The following TSGA10 variants were observed in gnomAD, a reference collection of about 807,000 sequenced individuals.
TSGA10 encodes the protein testis-specific gene 10 protein.
A neutral mutation model predicts 96.6 loss-of-function variants in TSGA10; 43 were observed. The observed-to-expected ratio is 0.44, with a 90% CI of 0.35 to 0.57. The LOEUF is 0.57. Among genes scored for constraint, TSGA10 ranks in the 20% least tolerant of loss-of-function variants. The pLI, the probability that TSGA10 is intolerant of heterozygous loss-of-function variation, is 0.01. For synonymous variants in TSGA10, 229 were observed against 269.9 expected, an observed-to-expected ratio of 0.85 and a Z score of 1.48; for missense variants, 703 against 834.4, an observed-to-expected ratio of 0.84 and a Z score of 1.94.
At chr2:99,140,489 A>C (rs1373656855) in intron 1 of TSGA10, among the ~76,000 whole-genome samples, 3 of 151,964 alleles carry the variant, frequency 2.0e-5, no homozygotes, top group Non-Finnish European at 4.4e-5. Flanking sequence ...GCGAAAAAAA[A>C]AAAGTGAAAA....
chr2:99,002,424 C>A (rs982438849), intron 20 of TSGA10, among the ~76,000 whole-genome samples: 4 of 152,310 alleles, frequency 2.6e-5, no homozygotes, highest in Admixed American at 2.6e-4. Flanking sequence ...ACTTTACAGA[C>A]AAACAGATGC....
intron 1 of TSGA10, chr2:99,141,760 G>A (rs2093564564): frequency 6.5e-6 from 1 of 152,824 alleles, no homozygotes; most frequent in Non-Finnish European, 1.5e-5. Context: ...TCGCGGCGGT[G>A]GCTTTGTGCC....
intron 2 of TSGA10, among the ~76,000 whole-genome samples, chr2:99,120,581 CAATT>C (rs2092517188): frequency 6.6e-6 from 1 of 152,106 alleles, no homozygotes. Flanking sequence ...TATAGGTACT[CAATT>C]AGTTTTGTTA....
At chr2:99,106,067 G>C (rs2091307016) in intron 7 of TSGA10, among the ~76,000 whole-genome samples, 1 of 152,116 alleles carries the variant, frequency 6.6e-6, no homozygotes, top group Non-Finnish European at 1.5e-5. Context: ...TAGTGTTTCA[G>C]TCTTCCTAAA....
rs199756866 is a variant in TSGA10 at position 99,139,260 on chromosome 2, C to CA, written c.-620-12085dup. Among the ~76,000 whole-genome samples, 55 of 143,778 alleles carry CA rather than the reference C, an allele frequency of 3.8e-4. No homozygotes were observed. In the East Asian group the frequency reaches 6.6e-3, roughly 17 times the overall value. 94.3% of individuals were successfully genotyped at this position (143,778 alleles called of 152,430 possible). On this transcript the variant is annotated intron_variant, in intron 1 of 20. Transcript: ENST00000393483. ...CCTGAGCGACAGTGAGATCATGTCT[C>CA]AAAAAAAAAAGGTAAGTGTCATGGA... is the stretch of plus-strand genomic sequence containing the variant.
intron 16 of TSGA10, among the ~76,000 whole-genome samples, chr2:99,036,559 A>G (rs921434006): frequency 6.6e-6 from 1 of 152,180 alleles, no homozygotes; most frequent in Non-Finnish European, 1.5e-5. Context: ...GGAATTATAT[A>G]ACATGCTCGA....
chr2:98,998,123 C>G lies in TSGA10; in HGVS notation c.*74G>C. Reference sequence around the variant, plus strand: ...GCCAAGCATTTAAAAGATAAATGCACTCATGTAGCAAAAAAAAAAAAATCA... The same window carrying G: ...GCCAAGCATTTAAAAGATAAATGCAGTCATGTAGCAAAAAAAAAAAAATCA... On this transcript the variant is annotated 3_prime_UTR_variant, in exon 21 of 21. Coordinates refer to ENST00000393483, the MANE Select transcript of TSGA10 (RefSeq NM_025244.4). 2.3e-6 allele frequency: 3 copies of G among 1,285,242 alleles called. No individual in the cohort carries two copies. The Admixed American group carries it at 6.5e-5, about 28-fold the overall frequency. 79.6% of individuals were successfully genotyped at this position (1,285,242 alleles called of 1,614,324 possible).
At chr2:99,096,480 G>T (rs1401872375) in intron 10 of TSGA10, among the ~76,000 whole-genome samples, 3 of 152,120 alleles carry the variant, frequency 2.0e-5, no homozygotes, top group Non-Finnish European at 4.4e-5. Context: ...TGTTGATAAG[G>T]TTGCCTTTAT....
intron 1 of TSGA10, among the ~76,000 whole-genome samples, chr2:99,152,772 A>C (rs966399604): frequency 2.6e-5 from 4 of 152,194 alleles, no homozygotes; most frequent in Admixed American, 6.5e-5. Context: ...CATGGTTTGG[A>C]AGCGGAAAGT....
chr2:99,141,842 G>T (rs2105111800), intron 1 of TSGA10: 1 of 152,548 alleles, frequency 6.6e-6, no homozygotes, highest in Non-Finnish European at 1.5e-5. Context: ...GCTGCTTTCG[G>T]GCGCAGCTCC....
At chr2:99,129,147 G>C (rs1284266034) in intron 1 of TSGA10, among the ~76,000 whole-genome samples, 1 of 152,084 alleles carries the variant, frequency 6.6e-6, no homozygotes, top group Non-Finnish European at 1.5e-5. Flanking sequence ...GGCTCAGCTG[G>C]AATTCCATAT....
chr2:99,074,034 T>C (rs1367592762), intron 12 of TSGA10, among the ~76,000 whole-genome samples: 1 of 126,720 alleles, frequency 7.9e-6, no homozygotes, highest in African/African-American at 2.9e-5. Flanking sequence ...TTTTTTGAGA[T>C]GGAGTTTTGC....
At chr2:99,082,536 CAA>C (rs1390533308) in intron 10 of TSGA10, among the ~76,000 whole-genome samples, 2 of 151,734 alleles carry the variant, frequency 1.3e-5, no homozygotes, top group African/African-American at 4.9e-5. Context: ...TATAACACAA[CAA>C]AGAGTCTTAA....
At chr2:99,116,691 GA>G (rs994678800) in intron 4 of TSGA10, among the ~76,000 whole-genome samples, 4 of 145,388 alleles carry the variant, frequency 2.8e-5, no homozygotes, top group Non-Finnish European at 4.6e-5. Context: ...ACATCAGTAA[GA>G]AAAAAAAAAG....
At chr2:99,098,672 C>A (rs2104753136) in intron 10 of TSGA10, among the ~76,000 whole-genome samples, 1 of 152,060 alleles carries the variant, frequency 6.6e-6, no homozygotes, top group East Asian at 1.9e-4. Context: ...TAACCACCAA[C>A]TGCAGAATAG....
chr2:99,148,363 T>C (rs2093653305), intron 1 of TSGA10: 1 of 152,210 alleles, frequency 6.6e-6, no homozygotes, highest in Non-Finnish European at 1.5e-5. Flanking sequence ...AAATCAAATA[T>C]ACCCATATTT....
intron 16 of TSGA10, among the ~76,000 whole-genome samples, chr2:99,060,593 C>T (rs1429500777): frequency 2.0e-5 from 3 of 152,050 alleles, no homozygotes; most frequent in South Asian, 4.1e-4. Flanking sequence ...AAATGATATG[C>T]TCATTCTAAA....
intron 16 of TSGA10, among the ~76,000 whole-genome samples, chr2:99,062,419 G>A (rs1031871096): frequency 6.6e-6 from 1 of 152,110 alleles, no homozygotes; most frequent in Non-Finnish European, 1.5e-5. Flanking sequence ...ATAACCTCAA[G>A]TCCCCTGCAC....
At chr2:99,130,665 G>A (rs1403046325) in intron 1 of TSGA10, among the ~76,000 whole-genome samples, 1 of 152,154 alleles carries the variant, frequency 6.6e-6, no homozygotes, top group African/African-American at 2.4e-5. Flanking sequence ...TCTTGCCATT[G>A]CTTTTGGTGT....
Sources: allele counts gnomAD v4.1 joint callset (sites outside exome capture counted in the v4.1 genomes callset), GRCh38; gene constraint gnomAD v4.1.1; transcripts MANE v1.5; gene names NCBI Gene and HGNC (gene_info 2026-07-23, HGNC 2026-07-21).